Variants in C18orf63 observed in about 807,000 individuals in gnomAD.
C18orf63 encodes chromosome 18 open reading frame 63.
C18orf63 carries 50 observed loss-of-function variants against 75.3 expected under a neutral mutation model. The observed-to-expected ratio is 0.66, with a 90% CI of 0.53 to 0.84. The LOEUF is 0.84. Ranked by LOEUF, C18orf63 falls within the 40% of genes least tolerant of loss-of-function variation. C18orf63 has a pLI of 0.00. For synonymous variants in C18orf63, 232 were observed against 267.6 expected (o/e 0.87, Z 1.30); for missense variants, 732 against 800.2 (o/e 0.91, Z 1.03).
At chr18:74,354,933 A>G (rs947151753) in intron 13 of C18orf63, among the ~76,000 whole-genome samples, 4 of 152,232 alleles carry the variant, frequency 2.6e-5, no homozygotes, top group African/African-American at 9.6e-5. Flanking sequence ...TGATGTTTCA[A>G]AGGTTAATCA....
intron 9 of C18orf63, 52 bp from the exon 10 acceptor site, chr18:74,342,189 A>C: frequency 2.1e-6 from 3 of 1,433,954 alleles, no homozygotes; most frequent in Non-Finnish European, 2.8e-6. Flanking sequence ...TTGTAACTTA[A>C]CCTAAGTTTA....
At position 74,339,298 on chromosome 18, in the gene C18orf63, T is replaced by C. The variant is rs1361517918; in HGVS notation, c.611+474T>C. Among the ~76,000 whole-genome samples, 15 of 152,190 alleles carry C rather than the reference T, an allele frequency of 9.9e-5. No individual in the cohort carries two copies. The East Asian group carries it at 2.7e-3, about 27-fold the overall frequency. On this transcript the variant is annotated intron_variant, in intron 8 of 13. Coordinates refer to ENST00000579455, the MANE Select transcript of C18orf63 (RefSeq NM_001174123.2). ...CAGTAGCATACACATAATAATTCAA[T>C]CATTGAAGCTGGGAGGAGGTAGGTA... is the stretch of plus-strand genomic sequence containing the variant.
At chr18:74,338,629 G>A (rs963102703) in intron 7 of C18orf63, 86 bp from the exon 8 acceptor site, 2 of 493,314 alleles carry the variant, frequency 4.1e-6, no homozygotes, top group East Asian at 3.2e-5. Context: ...AACCTACTGT[G>A]TGTGTGTAAC....
At chr18:74,341,987 A>G (rs369142532) in intron 8 of C18orf63, 45 bp from the exon 9 acceptor site, 3 of 925,178 alleles carry the variant, frequency 3.2e-6, no homozygotes, top group Admixed American at 2.4e-5. Context: ...TTATTAAACT[A>G]TATTTAAGCA....
At chr18:74,348,188 C>T (rs1021313907) in intron 11 of C18orf63, among the ~76,000 whole-genome samples, 1 of 152,154 alleles carries the variant, frequency 6.6e-6, no homozygotes, top group African/African-American at 2.4e-5. Context: ...TGTAACATCT[C>T]AAACTCTCTC....
chr18:74,349,009 C>T (rs1341954803), intron 11 of C18orf63, among the ~76,000 whole-genome samples: 3 of 152,038 alleles, frequency 2.0e-5, no homozygotes, highest in Non-Finnish European at 2.9e-5. Context: ...TTTCATATAC[C>T]ACACACATAT....
intron 7 of C18orf63, among the ~76,000 whole-genome samples, chr18:74,336,753 C>T (rs1436388519): frequency 6.6e-6 from 1 of 152,058 alleles, no homozygotes; most frequent in Non-Finnish European, 1.5e-5. Flanking sequence ...TATGTGTCAC[C>T]TTCCTCAACC....
intron 4 of C18orf63, 52 bp downstream of exon 4, chr18:74,322,806 C>CCATAT: frequency 3.3e-6 from 2 of 608,348 alleles, no homozygotes; most frequent in Non-Finnish European, 5.1e-6. Context: ...AGGGATTATA[C>CCATAT]GTTCCACTCC....
At chr18:74,347,095 T>A (rs932821203) in intron 11 of C18orf63, among the ~76,000 whole-genome samples, 1 of 152,212 alleles carries the variant, frequency 6.6e-6, no homozygotes, top group Non-Finnish European at 1.5e-5. Flanking sequence ...CTCTTATTAA[T>A]TGTATAATTT....
At chr18:74,336,331 T>C (rs1984390693) in intron 7 of C18orf63, among the ~76,000 whole-genome samples, 2 of 152,050 alleles carry the variant, frequency 1.3e-5, no homozygotes, top group Admixed American at 1.3e-4. Context: ...CAATGTTTGT[T>C]AATGGAGTAT....
chr18:74,341,270 C>CAAAAAA (rs58362707), intron 8 of C18orf63, among the ~76,000 whole-genome samples: 20 of 59,008 alleles, frequency 3.4e-4, no homozygotes, highest in Non-Finnish European at 4.2e-4. Flanking sequence ...GACTCCGTCT[C>CAAAAAA]AAAAAAAAAA....
chr18:74,352,967 T>C (rs927845300), intron 11 of C18orf63, among the ~76,000 whole-genome samples: 1 of 152,116 alleles, frequency 6.6e-6, no homozygotes, highest in East Asian at 1.9e-4. Context: ...GGACAGTGGG[T>C]AGCTGTGTGA....
chr18:74,327,804 A>G, intron 4 of C18orf63, 143 bp from the exon 5 acceptor site: 2 of 598,030 alleles, frequency 3.3e-6, no homozygotes, highest in Non-Finnish European at 6.0e-6. Flanking sequence ...AGATGGGATT[A>G]GCTCTAGCAA....
intron 11 of C18orf63, among the ~76,000 whole-genome samples, chr18:74,347,662 C>G (rs1181947916): frequency 2.0e-5 from 3 of 152,044 alleles, no homozygotes; most frequent in African/African-American, 7.2e-5. Flanking sequence ...ATTACTAGAC[C>G]ATATACATGT....
At position 74,358,025 on chromosome 18, in the gene C18orf63, G is replaced by C. The variant is rs991008699; in HGVS notation, c.*1578G>C. On this transcript the variant is annotated 3_prime_UTR_variant, in exon 14 of 14. Transcript: ENST00000579455. ...ATTCCTAAAACCAGCCTTCCCCACT[G>C]TTCCATACATTCCCAGGCCACCTTC... 1 of 152,120 alleles carries C rather than the reference G, an allele frequency of 6.6e-6. No individual in the cohort carries two copies. The highest frequency in any genetic ancestry group is 2.4e-5 in the African/African-American group (1 of 41,414). The allele number at this position is 152,120 out of a possible 1,614,324, so 9.4% of individuals were successfully genotyped here.
chr18:74,343,223 A>G (rs1194759489), intron 10 of C18orf63, among the ~76,000 whole-genome samples: 1 of 152,114 alleles, frequency 6.6e-6, no homozygotes, highest in Non-Finnish European at 1.5e-5. Flanking sequence ...GCTAAGGCTT[A>G]TAGTATCTTC....
intron 13 of C18orf63, among the ~76,000 whole-genome samples, chr18:74,356,200 C>A (rs1984761655): frequency 6.6e-6 from 1 of 152,034 alleles, no homozygotes; most frequent in Non-Finnish European, 1.5e-5. Context: ...AAAGTCAGGG[C>A]TTTTAGTGTA....
At chr18:74,316,450 C>A (rs1984026237) in intron 1 of C18orf63, among the ~76,000 whole-genome samples, 1 of 152,196 alleles carries the variant, frequency 6.6e-6, no homozygotes, top group African/African-American at 2.4e-5. Context: ...GCCCTGAACC[C>A]CGCGCCCCGG....
chr18:74,322,798 G>A, intron 4 of C18orf63, 44 bp downstream of exon 4: 1 of 745,688 alleles, frequency 1.3e-6, no homozygotes, highest in Non-Finnish European at 2.0e-6. Context: ...TTGTTTATAG[G>A]GATTATACGT....
Sources: allele counts gnomAD v4.1 joint callset (sites outside exome capture counted in the v4.1 genomes callset), GRCh38; gene constraint gnomAD v4.1.1; transcripts MANE v1.5; gene names NCBI Gene and HGNC (gene_info 2026-07-23, HGNC 2026-07-21).